Variants in WDR47 observed in about 807,000 individuals in gnomAD.
The protein encoded by WDR47 is WD repeat domain 47.
In WDR47, 32 loss-of-function variants were observed where a neutral mutation model predicts 97.2. The ratio of observed to expected loss-of-function variants is 0.33; its 90% CI spans 0.25 to 0.44. The LOEUF (loss-of-function observed/expected upper bound fraction) is 0.44. Among genes scored for constraint, WDR47 ranks in the 20% least tolerant of loss-of-function variants. The pLI is 1.00. For missense variants in WDR47, 782 were observed against 1,102.3 expected (o/e 0.71, Z 4.11); for synonymous variants, 375 against 373.5 (o/e 1.00, Z -0.05).
chr1:109,009,250 C>T (rs188213425), intron 5 of WDR47, among the ~76,000 whole-genome samples: 131 of 152,238 alleles, frequency 8.6e-4, no homozygotes, highest in African/African-American at 2.9e-3. Flanking sequence ...TATTTCATTG[C>T]GCCAACTCTA....
At chr1:109,017,748 TA>T (rs1661523328) in intron 2 of WDR47, 147 bp from the exon 3 acceptor site, 2 of 593,798 alleles carry the variant, frequency 3.4e-6, no homozygotes, top group East Asian at 3.4e-5. Flanking sequence ...AAATTTTTCA[TA>T]ATTTTTTTTT....
At chr1:108,984,835 G>A (rs2101828106) in intron 10 of WDR47, among the ~76,000 whole-genome samples, 1 of 152,224 alleles carries the variant, frequency 6.6e-6, no homozygotes, top group East Asian at 1.9e-4. Flanking sequence ...CTGAGGTCGT[G>A]CCAGTGCACT....
chr1:108,979,573 A>G (rs891523779), intron 13 of WDR47, among the ~76,000 whole-genome samples: 1 of 152,156 alleles, frequency 6.6e-6, no homozygotes, highest in African/African-American at 2.4e-5. Flanking sequence ...ATGCAGAGAG[A>G]GGAAAAATAT....
At chr1:108,996,050 T>C (rs185851956) in intron 7 of WDR47, among the ~76,000 whole-genome samples, 11 of 152,254 alleles carry the variant, frequency 7.2e-5, no homozygotes, top group East Asian at 1.9e-4. Flanking sequence ...CTACAGAAGA[T>C]AGGCATAATG....
intron 1 of WDR47, among the ~76,000 whole-genome samples, chr1:109,033,440 T>C (rs1393840207): frequency 1.3e-5 from 2 of 152,274 alleles, no homozygotes; most frequent in East Asian, 3.9e-4. Flanking sequence ...AATACCAATA[T>C]ATTTGTGAAA....
At chr1:109,038,625 G>A (rs564050670) in intron 1 of WDR47, among the ~76,000 whole-genome samples, 1 of 151,586 alleles carries the variant, frequency 6.6e-6, no homozygotes, top group Non-Finnish European at 1.5e-5. Context: ...GCTGCAGTGG[G>A]CTATCATCAT....
chr1:108,978,824 T>C (rs1557914347), intron 13 of WDR47, among the ~76,000 whole-genome samples: 1 of 152,118 alleles, frequency 6.6e-6, no homozygotes. Context: ...AACCAGAAGT[T>C]TGTTGGTGAT....
chr1:108,970,254 T>A lies in WDR47; in HGVS notation c.*1176A>T, dbSNP rs1446718861. On this transcript the variant is annotated 3_prime_UTR_variant, in exon 15 of 15. Transcript: ENST00000369962. The stretch of plus-strand genomic sequence containing the variant: ...GGTCTTTATTGAAATAATAGCACAG[T>A]TACACTTCTAATACCCTTTCCACTT... 6.6e-6 allele frequency: 1 copy of A among 152,646 alleles called. No homozygotes were observed. Among genetic ancestry groups the A allele is most frequent in the Non-Finnish European group, 1.5e-5 (1 of 68,042 alleles). 9.5% of individuals were successfully genotyped at this position (152,646 alleles called of 1,614,324 possible).
At chr1:108,997,915 G>A (rs1409113595) in intron 7 of WDR47, among the ~76,000 whole-genome samples, 1 of 152,096 alleles carries the variant, frequency 6.6e-6, no homozygotes, top group African/African-American at 2.4e-5. Flanking sequence ...TACAATTATT[G>A]AGAGGTGTTG....
intron 4 of WDR47, among the ~76,000 whole-genome samples, chr1:109,012,506 G>A (rs144897396): frequency 0.038 from 5,351 of 140,984 alleles, 120 homozygotes; most frequent in Admixed American, 0.064. Flanking sequence ...CCAGGAGGCA[G>A]AGGTTACAGT....
chr1:108,982,759 T>C lies in WDR47; in HGVS notation c.2116A>G (p.Met706Val). ...AAGTCTCTAATTGTTCCATCATGCATACTAAATTCCAGATCTGGTCCTGAA... is the reference window on the plus strand; with the variant it reads ...AAGTCTCTAATTGTTCCATCATGCACACTAAATTCCAGATCTGGTCCTGAA... ...NATGPDLEFSMHDGTIRDLAF... is the reference protein window; with the variant it reads ...NATGPDLEFSVHDGTIRDLAF... Residue 706 changes from methionine to valine, a missense_variant, in exon 12 of 15, where the codon ATG becomes GTG. By Grantham distance (21) the Met-to-Val change is conservative (BLOSUM62 1). Around this residue, in one of 3 missense-constraint regions of WDR47, gnomAD observed 228 missense variants for 396.7 expected, o/e 0.57. Coordinates refer to ENST00000369962, the MANE Select transcript of WDR47 (RefSeq NM_001142551.2). 6.2e-7 allele frequency: 1 copy of C among 1,610,342 alleles called. No individual in the cohort carries two copies. The highest frequency in any genetic ancestry group is 8.5e-7 in the Non-Finnish European group (1 of 1,179,150).
chr1:109,015,954 G>A (rs528879106), intron 3 of WDR47, among the ~76,000 whole-genome samples: 2 of 140,472 alleles, frequency 1.4e-5, no homozygotes, highest in East Asian at 4.2e-4. Flanking sequence ...CTGCATTCCA[G>A]CCTGGGTGAC....
At chr1:109,019,983 G>A (rs1571232654) in intron 2 of WDR47, among the ~76,000 whole-genome samples, 1 of 152,102 alleles carries the variant, frequency 6.6e-6, no homozygotes, top group Non-Finnish European at 1.5e-5. Flanking sequence ...AGTGGCTCAT[G>A]CCTGTAAATC....
chr1:108,993,459 T>C (rs746874166), intron 8 of WDR47, among the ~76,000 whole-genome samples: 5 of 151,982 alleles, frequency 3.3e-5, no homozygotes, highest in Admixed American at 6.5e-5. Context: ...TATACCCAGC[T>C]ATACTAACAA....
chr1:108,987,361 C>T (rs1658916879), intron 9 of WDR47: 2 of 152,508 alleles, frequency 1.3e-5, no homozygotes, highest in African/African-American at 4.8e-5. Flanking sequence ...GCCATGTTGC[C>T]CAGGCTGGTC....
intron 13 of WDR47, among the ~76,000 whole-genome samples, chr1:108,980,193 C>T (rs574613339): frequency 7.6e-4 from 116 of 152,154 alleles, no homozygotes; most frequent in African/African-American, 2.7e-3. Context: ...TTGCGGACTG[C>T]TGCCTTAAAC....
chr1:108,979,606 G>A (rs1054393456), intron 13 of WDR47, among the ~76,000 whole-genome samples: 1 of 152,148 alleles, frequency 6.6e-6, no homozygotes, highest in Admixed American at 6.6e-5. Context: ...GATGATGGGA[G>A]TTGGAAAGGC....
chr1:108,996,230 AT>A (rs1659740291), intron 7 of WDR47, among the ~76,000 whole-genome samples: 1 of 151,984 alleles, frequency 6.6e-6, no homozygotes, highest in Admixed American at 6.6e-5. Flanking sequence ...AACTTTTTAA[AT>A]TTTTTGTAGA....
chr1:109,034,682 G>A (rs1469246537), intron 1 of WDR47, among the ~76,000 whole-genome samples: 1 of 152,124 alleles, frequency 6.6e-6, no homozygotes, highest in Non-Finnish European at 1.5e-5. Context: ...TGAATCTAAT[G>A]CCTGTTGATC....
Sources: allele counts gnomAD v4.1 joint callset (sites outside exome capture counted in the v4.1 genomes callset), GRCh38; gene constraint gnomAD v4.1.1; regional missense constraint gnomAD v4.1.1; transcripts MANE v1.5; gene names NCBI Gene and HGNC (gene_info 2026-07-23, HGNC 2026-07-21).